MLIP: variants seen among roughly 807,000 people sequenced by gnomAD.
The protein encoded by MLIP is muscular LMNA-interacting protein.
In MLIP, 79 loss-of-function variants were observed where a neutral mutation model predicts 84.8. The ratio of observed to expected loss-of-function variants is 0.93; its 90% CI spans 0.78 to 1.12. The LOEUF (loss-of-function observed/expected upper bound fraction) is 1.12. Ranked by LOEUF, MLIP falls within the 50% of genes most tolerant of loss-of-function variation. The pLI is 0.00. For missense variants in MLIP, 1,257 were observed against 1,160.6 expected, an observed-to-expected ratio of 1.08 and a Z score of -1.21; for synonymous variants, 504 against 463.0, an observed-to-expected ratio of 1.09 and a Z score of -1.14.
chr6:54,024,472 A>G (rs1232162353), intron 1 of MLIP, among the ~76,000 whole-genome samples: 1 of 152,212 alleles, frequency 6.6e-6, no homozygotes, highest in East Asian at 1.9e-4. Flanking sequence ...GAGTGTCTTC[A>G]GAGATGCAAC....
chr6:54,256,479 T>A (rs1783012103), intron 12 of MLIP, among the ~76,000 whole-genome samples: 1 of 152,130 alleles, frequency 6.6e-6, no homozygotes, highest in South Asian at 2.1e-4. Context: ...ATAAGAAATA[T>A]TCCTGTCAAA....
intron 9 of MLIP, among the ~76,000 whole-genome samples, chr6:54,175,546 A>G (rs1776199815): frequency 6.6e-6 from 1 of 151,626 alleles, no homozygotes; most frequent in South Asian, 2.1e-4. Flanking sequence ...TCTTTTTTAG[A>G]TTGTTCACTA....
At chr6:54,135,142 T>A (rs963821666) in intron 3 of MLIP, among the ~76,000 whole-genome samples, 33 of 152,134 alleles carry the variant, frequency 2.2e-4, no homozygotes, top group African/African-American at 7.0e-4. Flanking sequence ...AGTGTTTGGA[T>A]TTAAATATAT....
intron 11 of MLIP, among the ~76,000 whole-genome samples, chr6:54,213,601 C>T (rs2150748751): frequency 6.7e-6 from 1 of 148,654 alleles, no homozygotes; most frequent in African/African-American, 2.5e-5. Flanking sequence ...ACTTGGGAGG[C>T]TGAGGCAGGA....
At chr6:54,122,285 T>C (rs1770523645) in intron 2 of MLIP, among the ~76,000 whole-genome samples, 1 of 152,166 alleles carries the variant, frequency 6.6e-6, no homozygotes, top group African/African-American at 2.4e-5. Flanking sequence ...GGTAATTAGA[T>C]AATTCCATGG....
chr6:54,123,096 G>C (rs1001260755), intron 2 of MLIP, among the ~76,000 whole-genome samples: 10 of 126,222 alleles, frequency 7.9e-5, no homozygotes, highest in African/African-American at 3.2e-4. Context: ...ACCGCGCCCG[G>C]CTAATTTTTT....
At chr6:54,089,883 A>C (rs1270360310) in intron 1 of MLIP, among the ~76,000 whole-genome samples, 3 of 152,082 alleles carry the variant, frequency 2.0e-5, no homozygotes, top group African/African-American at 7.2e-5. Context: ...TTGATTTAGC[A>C]CCTCTGTCTT....
At chr6:54,228,760 A>C (rs889041082) in intron 11 of MLIP, among the ~76,000 whole-genome samples, 4 of 152,212 alleles carry the variant, frequency 2.6e-5, no homozygotes, top group Admixed American at 1.3e-4. Flanking sequence ...AAAAAACTGA[A>C]GCCTGAGTAT....
At chr6:54,026,607 T>A (rs1469379626) in intron 1 of MLIP, among the ~76,000 whole-genome samples, 1 of 152,120 alleles carries the variant, frequency 6.6e-6, no homozygotes, top group Non-Finnish European at 1.5e-5. Flanking sequence ...AAAGTCCTAA[T>A]GTGCATAATG....
At chr6:54,160,465 T>G in intron 6 of MLIP, 33 bp downstream of exon 6, 1 of 1,611,514 alleles carries the variant, frequency 6.2e-7, no homozygotes, top group Non-Finnish European at 8.5e-7. Flanking sequence ...GCTTTTGGTA[T>G]GCAATTCCAA....
chr6:54,263,859 C>A (rs1435186079), intron 13 of MLIP, among the ~76,000 whole-genome samples: 1 of 151,986 alleles, frequency 6.6e-6, no homozygotes, highest in African/African-American at 2.4e-5. Context: ...AATACTGAGC[C>A]TTAACTGCCA....
In MLIP at chr6:54,056,672, GCC is replaced by G. The variant is rs1765680416; in HGVS notation, c.63+37582_63+37583del. Among the ~76,000 whole-genome samples, 29 of 152,284 alleles carry G rather than the reference GCC, an allele frequency of 1.9e-4. No individual in the cohort carries two copies. The South Asian group carries it at 5.8e-3, about 30-fold the overall frequency. ...TGCTAAAACCCATCTCTAGAAGCTT[GCC>G]AGCAAGAATGCCTTTATTTCCACAG... On this transcript the variant is annotated intron_variant, in intron 1 of 12. Coordinates refer to the MLIP transcript ENST00000274897.
At chr6:54,190,042 T>A in intron 10 of MLIP, 128 bp downstream of exon 10, 1 of 646,872 alleles carries the variant, frequency 1.5e-6, no homozygotes, top group Non-Finnish European at 2.6e-6. Flanking sequence ...TCTAATAACA[T>A]TTTACTGATA....
chr6:54,245,949 C>T (rs915255868), intron 12 of MLIP, among the ~76,000 whole-genome samples: 3 of 152,132 alleles, frequency 2.0e-5, no homozygotes, highest in African/African-American at 4.8e-5. Context: ...TTACTCCTTT[C>T]ACCAAAATAT....
intron 11 of MLIP, among the ~76,000 whole-genome samples, chr6:54,226,089 G>T (rs771520723): frequency 1.3e-5 from 2 of 152,190 alleles, no homozygotes; most frequent in Non-Finnish European, 2.9e-5. Context: ...TGAAAGGAAG[G>T]TAAAGAAATG....
chr6:54,111,378 TAGAA>T, upstream of MLIP: 1 of 1,481,488 alleles, frequency 6.7e-7, no homozygotes, highest in African/African-American at 1.4e-5. Context: ...TACCTCTTTT[TAGAA>T]TTTCTTCTTT....
intron 1 of MLIP, 130 bp from the exon 2 acceptor site, chr6:54,121,317 C>A: frequency 1.1e-6 from 1 of 890,014 alleles, no homozygotes; most frequent in Non-Finnish European, 1.8e-6. Flanking sequence ...ACTTTGGCAG[C>A]CATATACATG....
chr6:54,245,417 G>A (rs1782011084), intron 12 of MLIP, among the ~76,000 whole-genome samples: 1 of 152,136 alleles, frequency 6.6e-6, no homozygotes, highest in Non-Finnish European at 1.5e-5. Flanking sequence ...ACCCTTTTAT[G>A]CCCTTTACCA....
At chr6:54,051,190 ATAAG>A (rs1316788556) in intron 1 of MLIP, among the ~76,000 whole-genome samples, 1 of 151,320 alleles carries the variant, frequency 6.6e-6, no homozygotes, top group Non-Finnish European at 1.5e-5. Context: ...TTATAAATAT[ATAAG>A]TATTAGTATA....
Sources: gnomAD v4.1 joint callset for allele counts (sites outside exome capture counted in the v4.1 genomes callset) on GRCh38, gnomAD v4.1.1 for gene constraint, MANE v1.5 for transcripts, NCBI Gene and HGNC (gene_info 2026-07-23, HGNC 2026-07-21) for gene names.